The following GPC6 variants were observed in gnomAD, a reference collection of about 807,000 sequenced individuals.
GPC6 encodes glypican 6, also known as glypican-6.
Under a neutral mutation model 55.2 loss-of-function variants are expected in GPC6, and 14 were observed. The observed-to-expected ratio is 0.25, with a 90% CI of 0.17 to 0.40. The LOEUF is 0.40. Among genes scored for constraint, GPC6 ranks in the 10% least tolerant of loss-of-function variants. GPC6 has a pLI of 1.00. For synonymous variants in GPC6, 278 were observed against 259.6 expected (o/e 1.07, Z -0.68); for missense variants, 641 against 708.5 (o/e 0.90, Z 1.08).
intron 6 of GPC6, among the ~76,000 whole-genome samples, chr13:94,323,570 T>C (rs2139132506): frequency 6.6e-6 from 1 of 152,192 alleles, no homozygotes; most frequent in Non-Finnish European, 1.5e-5. Flanking sequence ...TGTGGAGTAA[T>C]AGGCACTGGA....
chr13:93,971,953 G>A (rs946663656), intron 3 of GPC6, among the ~76,000 whole-genome samples: 3 of 152,174 alleles, frequency 2.0e-5, no homozygotes, highest in Non-Finnish European at 4.4e-5. Context: ...AGTATCCAGC[G>A]TCAGGCTAGT....
chr13:94,276,816 C>G (rs1219581774), intron 4 of GPC6, among the ~76,000 whole-genome samples: 1 of 152,190 alleles, frequency 6.6e-6, no homozygotes, highest in African/African-American at 2.4e-5. Context: ...ATATGTACCA[C>G]ATTTTCTTTA....
chr13:94,314,820 G>T (rs1298966998), intron 6 of GPC6, among the ~76,000 whole-genome samples: 1 of 152,164 alleles, frequency 6.6e-6, no homozygotes, highest in African/African-American at 2.4e-5. Context: ...TAATCAATCA[G>T]CTTCTAACAG....
intron 1 of GPC6, among the ~76,000 whole-genome samples, chr13:93,482,708 A>C (rs1879563861): frequency 6.6e-6 from 1 of 152,196 alleles, no homozygotes; most frequent in East Asian, 1.9e-4. Flanking sequence ...TGGAATGTTT[A>C]AAATATACTG....
chr13:93,646,855 C>T (rs1880193071), intron 2 of GPC6, among the ~76,000 whole-genome samples: 3 of 112,552 alleles, frequency 2.7e-5, no homozygotes, highest in African/African-American at 8.3e-5. Context: ...GTTATCATGA[C>T]ATGAAAAAAA....
intron 3 of GPC6, among the ~76,000 whole-genome samples, chr13:93,888,749 T>G (rs910623843): frequency 6.6e-6 from 1 of 152,116 alleles, no homozygotes; most frequent in Admixed American, 6.6e-5. Flanking sequence ...GAACACATAG[T>G]CCCTAATTAG....
chr13:93,552,623 C>T (rs1026435782), intron 2 of GPC6, among the ~76,000 whole-genome samples: 4 of 152,128 alleles, frequency 2.6e-5, no homozygotes, highest in Non-Finnish European at 5.9e-5. Flanking sequence ...TACCACACAC[C>T]TCAAAGTAAC....
intron 1 of GPC6, among the ~76,000 whole-genome samples, chr13:93,451,020 G>T (rs187008200): frequency 3.9e-5 from 6 of 152,134 alleles, no homozygotes; most frequent in African/African-American, 1.4e-4. Flanking sequence ...ATACATTACA[G>T]ATAATTTTGA....
chr13:93,656,223 G>T (rs1880658207), intron 2 of GPC6, among the ~76,000 whole-genome samples: 1 of 152,058 alleles, frequency 6.6e-6, no homozygotes, highest in Non-Finnish European at 1.5e-5. Context: ...AAACATATTG[G>T]ATAATGTAAA....
Position 93,239,094 on chromosome 13 carries a change from T to C in GPC6, c.160+11478T>C, listed in dbSNP as rs927212587. 1.1e-4 allele frequency among the ~76,000 whole-genome samples: 17 copies of C among 152,196 alleles called. No individual in the cohort carries two copies. In the East Asian group the frequency reaches 3.1e-3, roughly 28 times the overall value. On this transcript the variant is annotated intron_variant, in intron 1 of 8. Coordinates refer to ENST00000377047, the MANE Select transcript of GPC6 (RefSeq NM_005708.5). ...CCTGACTTGGGTATCAGGGTGATAC[T>C]GGCTTCATAGGATGAGTTAGGATTT...
At chr13:93,485,346 A>G (rs1566380987) in intron 1 of GPC6, among the ~76,000 whole-genome samples, 1 of 152,102 alleles carries the variant, frequency 6.6e-6, no homozygotes, top group African/African-American at 2.4e-5. Flanking sequence ...GGTTCAGTAG[A>G]CCCATTCTGA....
At chr13:93,739,550 C>T (rs1884128115) in intron 2 of GPC6, among the ~76,000 whole-genome samples, 1 of 152,030 alleles carries the variant, frequency 6.6e-6, no homozygotes, top group Admixed American at 6.6e-5. Context: ...CTGCCTCAGC[C>T]TCCTGAGTAG....
At chr13:94,384,822 CT>C (rs1880331456) in intron 7 of GPC6, among the ~76,000 whole-genome samples, 1 of 152,204 alleles carries the variant, frequency 6.6e-6, no homozygotes, top group Non-Finnish European at 1.5e-5. Context: ...CAGCTAAATA[CT>C]GTCCTCCCCA....
chr13:93,216,905 G>A, the GPC6 span, among the ~76,000 whole-genome samples: 1 of 152,150 alleles, frequency 6.6e-6, no homozygotes, highest in African/African-American at 2.4e-5. Flanking sequence ...CTGAGTTTGT[G>A]GCCTGTGAAA....
chr13:93,698,485 C>CTTTTTTTTTT (rs57058820), intron 2 of GPC6, among the ~76,000 whole-genome samples: 3 of 32,436 alleles, frequency 9.2e-5, no homozygotes, highest in African/African-American at 1.2e-4. Flanking sequence ...CTGTGTGGGT[C>CTTTTTTTTTT]TTTTTTTTTT....
intron 1 of GPC6, among the ~76,000 whole-genome samples, chr13:93,415,484 C>G (rs1193818761): frequency 6.6e-6 from 1 of 151,908 alleles, no homozygotes. Flanking sequence ...ATGTATAATT[C>G]TCATTTCATA....
chr13:93,731,902 T>G (rs897488400), intron 2 of GPC6, among the ~76,000 whole-genome samples: 1 of 152,168 alleles, frequency 6.6e-6, no homozygotes, highest in Admixed American at 6.5e-5. Flanking sequence ...ATATATGTAA[T>G]AATGAAAGTG....
At chr13:93,861,023 G>A (rs543924306) in intron 3 of GPC6, among the ~76,000 whole-genome samples, 95 of 151,570 alleles carry the variant, frequency 6.3e-4, no homozygotes, top group African/African-American at 2.2e-3. Flanking sequence ...TCTGTGTCTT[G>A]GAGGGTTTTT....
At chr13:93,778,051 T>G (rs187094222) in intron 2 of GPC6, among the ~76,000 whole-genome samples, 36 of 152,284 alleles carry the variant, frequency 2.4e-4, no homozygotes, top group African/African-American at 8.2e-4. Context: ...CATAGGCTAA[T>G]TGAGGGCAAT....
Sources: gnomAD v4.1 joint callset for allele counts (sites outside exome capture counted in the v4.1 genomes callset) on GRCh38, gnomAD v4.1.1 for gene constraint, MANE v1.5 for transcripts, NCBI Gene and HGNC (gene_info 2026-07-23, HGNC 2026-07-21) for gene names.